The following DOCK1 variants were observed in gnomAD, a reference collection of about 807,000 sequenced individuals.
DOCK1 encodes dedicator of cytokinesis 1, also known as dedicator of cytokinesis protein 1.
DOCK1 carries 138 observed loss-of-function variants against 262.7 expected under a neutral mutation model. That is an observed-to-expected ratio of 0.53 (90% CI 0.46 to 0.61). DOCK1 has a LOEUF of 0.61. Among genes scored for constraint, DOCK1 ranks in the 20% least tolerant of loss-of-function variants. DOCK1 has a pLI of 0.00. For synonymous variants in DOCK1, 866 were observed against 867.4 expected (o/e 1.00, Z 0.03); for missense variants, 1,908 against 2,370.7 (o/e 0.80, Z 4.05).
chr10:126,989,743 C>A (rs1426688550), intron 5 of DOCK1, among the ~76,000 whole-genome samples: 1 of 152,196 alleles, frequency 6.6e-6, no homozygotes, highest in Non-Finnish European at 1.5e-5. Flanking sequence ...CTTGTAATTG[C>A]AAGCTGCAAA....
At chr10:126,959,129 G>A (rs2036986916) in intron 1 of DOCK1, among the ~76,000 whole-genome samples, 1 of 152,204 alleles carries the variant, frequency 6.6e-6, no homozygotes, top group African/African-American at 2.4e-5. Flanking sequence ...GAAAGGGAAA[G>A]TTCAAGTTAA....
rs977728613 is a variant in DOCK1 at position 127,156,806 on chromosome 10, G to A, written c.2847+29042G>A. Among the ~76,000 whole-genome samples, 6 of 152,134 alleles carry A rather than the reference G, an allele frequency of 3.9e-5. No homozygotes were observed. The South Asian group carries it at 8.3e-4, about 21-fold the overall frequency. On this transcript the variant is annotated intron_variant, in intron 27 of 51. Transcript: ENST00000623213. Reference sequence around the variant, plus strand: ...TGGTCTTGAACTCCCAACCTCAAGTGATCTTCCCGCCTCGGCCTCCCAAAG... The same window carrying A: ...TGGTCTTGAACTCCCAACCTCAAGTAATCTTCCCGCCTCGGCCTCCCAAAG...
At chr10:127,079,697 G>A (rs747473646) in intron 23 of DOCK1, among the ~76,000 whole-genome samples, 2 of 152,172 alleles carry the variant, frequency 1.3e-5, no homozygotes, top group Non-Finnish European at 2.9e-5. Flanking sequence ...TTGGGAGGCC[G>A]AGGAGGGCGG....
intron 27 of DOCK1, among the ~76,000 whole-genome samples, chr10:127,168,359 A>AG (rs1263907409): frequency 6.6e-6 from 1 of 152,274 alleles, no homozygotes; most frequent in Non-Finnish European, 1.5e-5. Flanking sequence ...CCATTCAAAT[A>AG]GGGAGTGCTA....
chr10:127,329,819 G>A (rs988974043), intron 29 of DOCK1, among the ~76,000 whole-genome samples: 2 of 152,186 alleles, frequency 1.3e-5, no homozygotes, highest in African/African-American at 4.8e-5. Flanking sequence ...GGACCAAGTA[G>A]TGGAGAGTAG....
At chr10:126,926,704 C>T (rs112045485) in intron 1 of DOCK1, among the ~76,000 whole-genome samples, 1 of 152,098 alleles carries the variant, frequency 6.6e-6, no homozygotes, top group Admixed American at 6.5e-5. Flanking sequence ...AGGAGGGACA[C>T]GTGAGAACTC....
At chr10:127,442,436 G>T (rs890923919) in intron 49 of DOCK1, among the ~76,000 whole-genome samples, 2 of 152,134 alleles carry the variant, frequency 1.3e-5, no homozygotes, top group African/African-American at 2.4e-5. Context: ...GGGTTAATAC[G>T]TTTTCTAATT....
intron 12 of DOCK1, among the ~76,000 whole-genome samples, chr10:127,016,733 C>CACCACA (rs780601357): frequency 3.5e-5 from 2 of 56,998 alleles, no homozygotes; most frequent in Non-Finnish European, 7.2e-5. Context: ...CACACACACA[C>CACCACA]CACACACACA....
chr10:127,410,817 A>G (rs762394313), intron 42 of DOCK1, 23 bp from the exon 43 acceptor site: 2 of 1,609,576 alleles, frequency 1.2e-6, no homozygotes, highest in Non-Finnish European at 8.5e-7. Flanking sequence ...TAAATATCTA[A>G]TGATCTGTCT....
At chr10:127,363,332 A>C (rs2064700895) in intron 33 of DOCK1, among the ~76,000 whole-genome samples, 1 of 152,198 alleles carries the variant, frequency 6.6e-6, no homozygotes, top group Non-Finnish European at 1.5e-5. Context: ...AAACATGGTG[A>C]GACTCCGTCT....
chr10:127,123,525 G>A (rs111675361), intron 25 of DOCK1, among the ~76,000 whole-genome samples: 2,924 of 152,280 alleles, frequency 0.019, 98 homozygotes, highest in African/African-American at 0.067. Context: ...ACCCTACGTC[G>A]GATGCTGTGT....
At chr10:127,218,748 G>A (rs2058312178) in intron 27 of DOCK1, among the ~76,000 whole-genome samples, 1 of 152,134 alleles carries the variant, frequency 6.6e-6, no homozygotes, top group Non-Finnish European at 1.5e-5. Context: ...AGTTCACTTT[G>A]TGATGTTATA....
intron 51 of DOCK1, among the ~76,000 whole-genome samples, chr10:127,450,261 T>G (rs1404503447): frequency 2.0e-5 from 3 of 152,222 alleles, no homozygotes; most frequent in Non-Finnish European, 4.4e-5. Context: ...ATCTGGGCGA[T>G]GAGTGAGAGA....
chr10:127,331,391 C>T (rs1181788300), intron 29 of DOCK1, among the ~76,000 whole-genome samples: 1 of 152,184 alleles, frequency 6.6e-6, no homozygotes, highest in Non-Finnish European at 1.5e-5. Flanking sequence ...AAGCGATTCT[C>T]CTGCTTCAGC....
chr10:126,920,718 A>G (rs2033100571), intron 1 of DOCK1, among the ~76,000 whole-genome samples: 1 of 152,244 alleles, frequency 6.6e-6, no homozygotes, highest in East Asian at 1.9e-4. Context: ...GGAGGATACT[A>G]TGTTAAGACA....
rs1057094560 is a variant in DOCK1, at chr10:126,929,546, A to T, written c.46+23983A>T. ...TGGCGAGCCTTGGAGGACGCCGAGG[A>T]TGTGGAGGGAAGCAGAGGGAGAGCG... On this transcript the variant is annotated intron_variant, in intron 1 of 51. Transcript: ENST00000623213. Among the ~76,000 whole-genome samples, 82 of 151,862 alleles carry T rather than the reference A, an allele frequency of 5.4e-4. 2 individuals carry two copies. Among genetic ancestry groups the T allele is most frequent in the Middle Eastern group, 3.2e-3 (1 of 314 alleles).
rs1034274173 is a variant in DOCK1 at position 127,345,321 on chromosome 10, C to T, written c.3224+1575C>T. ...AAAGCAAAACCATTCCTTAGGCCCT[C>T]GTATCTGCCCTAGTTTCTAGATGAG... is the stretch of plus-strand genomic sequence containing the variant. On this transcript the variant is annotated intron_variant, in intron 31 of 51. Coordinates refer to ENST00000623213, the MANE Select transcript of DOCK1 (RefSeq NM_001290223.2). Among the ~76,000 whole-genome samples, 25 of 152,288 alleles carry T rather than the reference C, an allele frequency of 1.6e-4. No homozygotes were observed. The East Asian group carries it at 4.4e-3, about 27-fold the overall frequency.
Position 127,429,864 on chromosome 10 carries a change from G to A in DOCK1, c.4915-3419G>A, listed in dbSNP as rs926235503. 1.4e-4 allele frequency among the ~76,000 whole-genome samples: 21 copies of A among 152,350 alleles called. 1 individual carries two copies. The South Asian group carries it at 1.9e-3, about 14-fold the overall frequency. ...CCCCGTGCCCTCACCAGCCCACAGC[G>A]TGCAGGAGGCATGTGTGTTGGCCTT... On this transcript the variant is annotated intron_variant, in intron 47 of 51. Coordinates refer to ENST00000623213, the MANE Select transcript of DOCK1 (RefSeq NM_001290223.2).
intron 33 of DOCK1, among the ~76,000 whole-genome samples, chr10:127,368,975 G>A (rs2065069574): frequency 6.6e-6 from 1 of 152,110 alleles, no homozygotes; most frequent in Admixed American, 6.5e-5. Flanking sequence ...TTCAATCATG[G>A]AGCTATTTTC....
Sources: gnomAD v4.1 joint callset for allele counts (sites outside exome capture counted in the v4.1 genomes callset) on GRCh38, gnomAD v4.1.1 for gene constraint, MANE v1.5 for transcripts, NCBI Gene and HGNC (gene_info 2026-07-23, HGNC 2026-07-21) for gene names.